Variants in REXO5 observed in about 807,000 individuals in gnomAD.
The protein encoded by REXO5 is RNA exonuclease 5, also known as exonuclease NEF-sp.
In REXO5, 48 loss-of-function variants were observed where a neutral mutation model predicts 88.5. The ratio of observed to expected loss-of-function variants is 0.54; its 90% CI spans 0.43 to 0.69. The LOEUF (loss-of-function observed/expected upper bound fraction) is 0.69. Ranked by LOEUF, REXO5 falls within the 30% of genes least tolerant of loss-of-function variation. The pLI, the probability that REXO5 is intolerant of heterozygous loss-of-function variation, is 0.00. For synonymous variants in REXO5, 311 were observed against 336.5 expected, an observed-to-expected ratio of 0.92 and a Z score of 0.83; for missense variants, 749 against 912.2, an observed-to-expected ratio of 0.82 and a Z score of 2.30.
chr16:20,831,590 A>T (rs1003693881), intron 11 of REXO5, among the ~76,000 whole-genome samples: 1 of 150,216 alleles, frequency 6.7e-6, no homozygotes, highest in Non-Finnish European at 1.5e-5. Context: ...AACTGATTCT[A>T]AAAAAAAAGT....
At chr16:20,806,896 C>G (rs941096826) in intron 1 of REXO5, 56 bp from the exon 2 acceptor site, 2 of 1,530,044 alleles carry the variant, frequency 1.3e-6, no homozygotes, top group Non-Finnish European at 1.8e-6. Context: ...GGAGGCGGCA[C>G]GCGGGGGAAT....
chr16:20,817,134 G>A (rs540789889), intron 5 of REXO5, among the ~76,000 whole-genome samples: 3 of 152,158 alleles, frequency 2.0e-5, no homozygotes, highest in Non-Finnish European at 4.4e-5. Flanking sequence ...TTGAATAATT[G>A]CACTGAGGGA....
chr16:20,842,017 T>C (rs1211408440), intron 15 of REXO5, among the ~76,000 whole-genome samples: 4 of 152,224 alleles, frequency 2.6e-5, no homozygotes, highest in African/African-American at 9.6e-5. Context: ...TCCTTTCTCT[T>C]GGCCCCTTTT....
At chr16:20,824,633 G>T in intron 7 of REXO5, 106 bp downstream of exon 7, 1 of 729,114 alleles carries the variant, frequency 1.4e-6, no homozygotes, top group South Asian at 1.6e-5. Context: ...TTCATTTTTA[G>T]TATTCTGTTT....
At chr16:20,826,204 A>G (rs963498496) in intron 8 of REXO5, among the ~76,000 whole-genome samples, 28 of 152,202 alleles carry the variant, frequency 1.8e-4, no homozygotes, top group African/African-American at 6.5e-4. Flanking sequence ...AGAATCTCCC[A>G]ATTATAATCA....
At chr16:20,806,851 T>C (rs1386308101) in intron 1 of REXO5, 101 bp from the exon 2 acceptor site, 2 of 1,452,888 alleles carry the variant, frequency 1.4e-6, no homozygotes, top group Admixed American at 2.7e-5. Flanking sequence ...CCGAGGGAGG[T>C]TGAAAGCTGT....
rs1225652976 is a variant in REXO5 at position 20,827,110 on chromosome 16, G to T, written c.874G>T (p.Asp292Tyr). 2 of 1,613,942 alleles carry T rather than the reference G, an allele frequency of 1.2e-6. No homozygotes were observed. The highest frequency in any genetic ancestry group is 1.7e-6 in the Non-Finnish European group (2 of 1,179,986). Reference sequence around the variant, plus strand: ...TAACCCAGTGACGACCAAACTCAAAGATGTACAGAGGCAGTTAAAAGCACT... The same window carrying T: ...TAACCCAGTGACGACCAAACTCAAATATGTACAGAGGCAGTTAAAAGCACT... ...ILNPVTTKLK[D>Y]VQRQLKALLP... Residue 292 changes from aspartate to tyrosine, a missense_variant, in exon 9 of 20, where the codon GAT becomes TAT. By Grantham distance (160) the Asp-to-Tyr change is radical. Coordinates refer to ENST00000261377, the MANE Select transcript of REXO5 (RefSeq NM_030941.3).
intron 18 of REXO5, among the ~76,000 whole-genome samples, 199 bp downstream of exon 18, chr16:20,845,440 G>A (rs2081593164): frequency 6.6e-6 from 1 of 151,052 alleles, no homozygotes; most frequent in East Asian, 2.0e-4. Context: ...TAGTTTTTTA[G>A]TCTTCCAGAT....
chr16:20,817,807 C>G (rs1047634551), intron 5 of REXO5, among the ~76,000 whole-genome samples: 1 of 152,200 alleles, frequency 6.6e-6, no homozygotes, highest in African/African-American at 2.4e-5. Context: ...TATTAGTTTT[C>G]TTTGAATGAC....
chr16:20,806,875 C>G, intron 1 of REXO5, 77 bp from the exon 2 acceptor site: 1 of 1,509,876 alleles, frequency 6.6e-7, no homozygotes, highest in African/African-American at 1.4e-5. Context: ...GCCCGTGTAG[C>G]TCTCCCGCTA....
intron 6 of REXO5, among the ~76,000 whole-genome samples, chr16:20,822,165 T>C (rs1032287812): frequency 1.3e-5 from 2 of 152,156 alleles, no homozygotes; most frequent in Non-Finnish European, 2.9e-5. Context: ...AGAAAGTTAT[T>C]CCCTTTCCTT....
Position 20,840,422 on chromosome 16 carries a change from G to C in REXO5, c.1580G>C (p.Ser527Thr), listed in dbSNP as rs1231951244. 6.3e-7 allele frequency: 1 copy of C among 1,576,496 alleles called. No homozygotes were observed. Among genetic ancestry groups the C allele is most frequent in the Admixed American group, 1.7e-5 (1 of 59,286 alleles). The stretch of plus-strand genomic sequence containing the variant: ...AGGGCTCTGAAGAGGCTGTTTAAAA[G>C]CTTTGGCCCAGTCCAGTCAATGACT... ...NLRALKRLFK[S>T]FGPVQSMTFV... Residue 527 changes from serine to threonine, a missense_variant, in exon 15 of 20, where the codon AGC becomes ACC. Physicochemically the swap from Ser to Thr is moderately conservative, Grantham distance 58. Coordinates refer to ENST00000261377, the MANE Select transcript of REXO5 (RefSeq NM_030941.3).
At chr16:20,821,619 G>C in intron 5 of REXO5, 143 bp from the exon 6 acceptor site, 1 of 643,150 alleles carries the variant, frequency 1.6e-6, no homozygotes, top group Non-Finnish European at 2.4e-6. Context: ...AATTGTAATA[G>C]ATTGCAAGCC....
intron 13 of REXO5, among the ~76,000 whole-genome samples, chr16:20,837,854 C>T (rs2081458401): frequency 6.6e-6 from 1 of 152,164 alleles, no homozygotes; most frequent in African/African-American, 2.4e-5. Flanking sequence ...GCAGCCTTGA[C>T]CTCCGGGCTC....
intron 7 of REXO5, chr16:20,825,570 C>G (rs765813092): frequency 2.6e-5 from 10 of 391,046 alleles, no homozygotes; most frequent in Admixed American, 4.1e-5. Context: ...GTACACACTC[C>G]ATAAATGGTA....
chr16:20,814,872 C>G, intron 3 of REXO5, 55 bp from the exon 4 acceptor site: 1 of 1,553,552 alleles, frequency 6.4e-7, no homozygotes, highest in African/African-American at 1.4e-5. Flanking sequence ...CTCTATATGA[C>G]TGTAACTGAC....
At chr16:20,845,264 G>T in intron 18 of REXO5, 23 bp downstream of exon 18, 1 of 1,605,056 alleles carries the variant, frequency 6.2e-7, no homozygotes, top group South Asian at 1.1e-5. Context: ...AGGCGTCTTG[G>T]AGAAGATGTC....
At position 20,821,785 on chromosome 16, in the gene REXO5, G is replaced by C; in HGVS notation, c.499G>C (p.Ala167Pro). 6.3e-7 allele frequency: 1 copy of C among 1,591,908 alleles called. No homozygotes were observed. Among genetic ancestry groups the C allele is most frequent in the Non-Finnish European group, 8.5e-7 (1 of 1,173,688 alleles). The change falls in exon 6 of 20, where the codon GCC becomes CCC. Residue 167 changes from alanine to proline, a missense_variant. Ala to Pro is a conservative substitution (Grantham distance 27, BLOSUM62 -1). Transcript: ENST00000261377. ...AGGGCCTTTACCTTCTAATGCAAAA[G>C]CCGCCATCAACCTTCAGGATGATCC... The part of the protein sequence containing the change: ...MEGPLPSNAK[A>P]AINLQDDPII...
chr16:20,823,002 C>G (rs2081207815), intron 6 of REXO5, among the ~76,000 whole-genome samples: 1 of 152,194 alleles, frequency 6.6e-6, no homozygotes, highest in Non-Finnish European at 1.5e-5. Context: ...ACTTTCCCAC[C>G]AGCAGCATAT....
Sources: allele counts gnomAD v4.1 joint callset (sites outside exome capture counted in the v4.1 genomes callset), GRCh38; gene constraint gnomAD v4.1.1; transcripts MANE v1.5; gene names NCBI Gene and HGNC (gene_info 2026-07-23, HGNC 2026-07-21).